Variants in CADPS observed in about 807,000 individuals in gnomAD.
The protein encoded by CADPS is calcium-dependent secretion activator 1.
CADPS carries 57 observed loss-of-function variants against 167.3 expected under a neutral mutation model. The ratio of observed to expected loss-of-function variants is 0.34; its 90% CI spans 0.28 to 0.42. The LOEUF is 0.42. Among genes scored for constraint, CADPS ranks in the 20% least tolerant of loss-of-function variants. The pLI is 1.00. For missense variants in CADPS, 1,414 were observed against 1,738.1 expected (o/e 0.81, Z 3.32); for synonymous variants, 676 against 635.3 (o/e 1.06, Z -0.96).
At chr3:62,684,256 T>C (rs2077601947) in intron 3 of CADPS, among the ~76,000 whole-genome samples, 2 of 152,152 alleles carry the variant, frequency 1.3e-5, no homozygotes, top group Middle Eastern at 3.2e-3. Flanking sequence ...ACTCAGTATA[T>C]TATTTAATTT....
intron 28 of CADPS, among the ~76,000 whole-genome samples, chr3:62,425,267 G>A (rs1034245543): frequency 2.6e-5 from 4 of 152,040 alleles, no homozygotes; most frequent in African/African-American, 9.7e-5. Flanking sequence ...ATTTGTTATG[G>A]GGGGGCTGTC....
At chr3:62,419,258 A>G (rs1188623266) in intron 28 of CADPS, among the ~76,000 whole-genome samples, 2 of 152,156 alleles carry the variant, frequency 1.3e-5, no homozygotes, top group African/African-American at 4.8e-5. Flanking sequence ...TGTGTCTCCC[A>G]GGGCAGGTGT....
Position 62,438,937 on chromosome 3 carries a change from A to C in CADPS, c.3670-726T>G, listed in dbSNP as rs761192121. 1 of 152,162 alleles carries C rather than the reference A, an allele frequency of 6.6e-6. No individual in the cohort carries two copies. The highest frequency in any genetic ancestry group is 1.5e-5 in the Non-Finnish European group (1 of 68,036). 9.4% of individuals were successfully genotyped at this position (152,162 alleles called of 1,614,324 possible). ...AGAGGATTTGATTTTTAAATAAATC[A>C]GATTTTCTGGAAAGGTAAGCTGGTG... On this transcript the variant is annotated intron_variant, in intron 27 of 29. Coordinates refer to ENST00000383710, the MANE Select transcript of CADPS (RefSeq NM_003716.4). This position sits in a 1 kb window ranked among gnomAD's most constrained non-coding sequence, Gnocchi z 4.7.
chr3:62,819,898 G>A (rs1183976718), intron 1 of CADPS, among the ~76,000 whole-genome samples: 1 of 152,086 alleles, frequency 6.6e-6, no homozygotes, highest in Non-Finnish European at 1.5e-5. Context: ...TTTTTCCTTT[G>A]CTGATTTTAA....
chr3:62,578,342 G>T (rs2152506429), intron 8 of CADPS, among the ~76,000 whole-genome samples: 1 of 152,164 alleles, frequency 6.6e-6, no homozygotes, highest in Middle Eastern at 3.4e-3. Context: ...CGGGTGTGGT[G>T]GCTCACGCCT....
intron 3 of CADPS, among the ~76,000 whole-genome samples, chr3:62,715,100 T>C (rs2084185643): frequency 6.6e-6 from 1 of 152,158 alleles, no homozygotes; most frequent in South Asian, 2.1e-4. Flanking sequence ...CTGAAATAAA[T>C]ACAGATGACA....
intron 28 of CADPS, among the ~76,000 whole-genome samples, chr3:62,415,075 T>C (rs985109394): frequency 7.9e-5 from 12 of 152,144 alleles, no homozygotes; most frequent in African/African-American, 2.7e-4. Context: ...CTTAATTTCT[T>C]TTCTTTCTCT....
At chr3:62,445,987 G>A (rs190294336) in intron 26 of CADPS, among the ~76,000 whole-genome samples, 190 bp from the exon 27 acceptor site, 9 of 152,342 alleles carry the variant, frequency 5.9e-5, no homozygotes, top group Admixed American at 3.3e-4. Context: ...TTTGCAGAAA[G>A]AGAGAATGCA....
Position 62,474,287 on chromosome 3 carries a change from T to G in CADPS, c.3363A>C (p.Lys1121Asn). The change falls in exon 24 of 30, where the codon AAA (lysine) becomes AAC (asparagine). Residue 1121 changes from lysine to asparagine, a missense_variant. Lys to Asn is a moderately conservative substitution (Grantham distance 94). Transcript: ENST00000383710. ...TRIAFEVKLQKTSRSTDFRVP... is the reference protein window; with the variant it reads ...TRIAFEVKLQNTSRSTDFRVP... ...CTCGAAAATCTGTTGATCGACTGGT[T>G]TTTTGCAGCTTAACTTCAAATGCAA... 6.2e-7 allele frequency: 1 copy of G among 1,613,630 alleles called. No homozygotes were observed. The highest frequency in any genetic ancestry group is 8.5e-7 in the Non-Finnish European group (1 of 1,179,892).
At chr3:62,559,644 G>A (rs567748026) in intron 9 of CADPS, among the ~76,000 whole-genome samples, 13 of 152,126 alleles carry the variant, frequency 8.5e-5, no homozygotes, top group South Asian at 4.2e-4. Flanking sequence ...ACAGGCATGC[G>A]CCACCATGTC....
chr3:62,846,960 C>G (rs1448841044), intron 1 of CADPS, among the ~76,000 whole-genome samples: 1 of 152,118 alleles, frequency 6.6e-6, no homozygotes, highest in African/African-American at 2.4e-5. Context: ...GAGCCACTCG[C>G]CCGGCTGGAG....
At chr3:62,531,915 G>A (rs2073778431) in intron 13 of CADPS, among the ~76,000 whole-genome samples, 1 of 152,304 alleles carries the variant, frequency 6.6e-6, no homozygotes, top group Non-Finnish European at 1.5e-5. Flanking sequence ...GCTGGGCAAG[G>A]TCTAAAGAAA....
At chr3:62,554,434 G>T (rs543803350) in intron 10 of CADPS, among the ~76,000 whole-genome samples, 1 of 152,256 alleles carries the variant, frequency 6.6e-6, no homozygotes, top group South Asian at 2.1e-4. Context: ...AGAGCAACAG[G>T]CCACAAGGGT....
At chr3:62,814,478 C>T (rs1307116007) in intron 1 of CADPS, 4 of 152,044 alleles carry the variant, frequency 2.6e-5, no homozygotes, top group South Asian at 2.1e-4. Context: ...ATTCGTGAAG[C>T]GGTTCATATA....
At chr3:62,622,791 G>A (rs1401971237) in intron 6 of CADPS, among the ~76,000 whole-genome samples, 1 of 152,110 alleles carries the variant, frequency 6.6e-6, no homozygotes, top group Admixed American at 6.6e-5. Flanking sequence ...GGCTGTAAAT[G>A]TTCCCTAAAG....
chr3:62,684,948 A>G (rs1395878215), intron 3 of CADPS, among the ~76,000 whole-genome samples: 1 of 152,084 alleles, frequency 6.6e-6, no homozygotes, highest in African/African-American at 2.4e-5. Flanking sequence ...GAACTGTAAG[A>G]AAACCCTATG....
At chr3:62,406,540 G>C (rs976223697) in intron 28 of CADPS, among the ~76,000 whole-genome samples, 1 of 152,170 alleles carries the variant, frequency 6.6e-6, no homozygotes, top group African/African-American at 2.4e-5. Context: ...CTCTAAGTCT[G>C]TAGAAATAAG....
chr3:62,707,039 G>T (rs1189113335), intron 3 of CADPS, among the ~76,000 whole-genome samples: 1 of 152,018 alleles, frequency 6.6e-6, no homozygotes, highest in Admixed American at 6.5e-5. Context: ...TCTATTACCG[G>T]AAGTTAGGAC....
chr3:62,562,631 G>C (rs1223596666), intron 9 of CADPS, among the ~76,000 whole-genome samples: 2 of 152,172 alleles, frequency 1.3e-5, no homozygotes, highest in African/African-American at 4.8e-5. Flanking sequence ...CACTGCACCT[G>C]GCCTTCTGTG....
Sources: allele counts gnomAD v4.1 joint callset (sites outside exome capture counted in the v4.1 genomes callset), GRCh38; gene constraint gnomAD v4.1.1; non-coding constraint Gnocchi (gnomAD v3.1); transcripts MANE v1.5; gene names NCBI Gene and HGNC (gene_info 2026-07-23, HGNC 2026-07-21).